Variants in ANO4 observed in about 807,000 individuals in gnomAD.
ANO4 encodes anoctamin-4.
A neutral mutation model predicts 141.9 loss-of-function variants in ANO4; 69 were observed. The observed-to-expected ratio is 0.49, with a 90% CI of 0.40 to 0.59. The LOEUF (loss-of-function observed/expected upper bound fraction) is 0.59, where lower values mean the gene tolerates loss of function less well. Ranked by LOEUF, ANO4 falls within the 20% of genes least tolerant of loss-of-function variation. The pLI is 0.00. For synonymous variants in ANO4, 350 were observed against 394.3 expected, an observed-to-expected ratio of 0.89 and a Z score of 1.33; for missense variants, 894 against 1,162.2, an observed-to-expected ratio of 0.77 and a Z score of 3.36.
chr12:100,932,252 C>T (rs1032719124), intron 3 of ANO4, among the ~76,000 whole-genome samples: 1 of 151,896 alleles, frequency 6.6e-6, no homozygotes, highest in South Asian at 2.1e-4. Flanking sequence ...GGTTATTTTG[C>T]TGCATTTGGA....
At chr12:100,728,438 A>C (rs2031235911) in intron 1 of ANO4, among the ~76,000 whole-genome samples, 3 of 152,158 alleles carry the variant, frequency 2.0e-5, no homozygotes, top group African/African-American at 7.2e-5. Context: ...GAACCTGCCT[A>C]ACCCAACTTG....
chr12:100,904,231 C>A (rs1366308476), intron 2 of ANO4, among the ~76,000 whole-genome samples: 1 of 152,090 alleles, frequency 6.6e-6, no homozygotes, highest in Non-Finnish European at 1.5e-5. Context: ...TGATATACAT[C>A]AGTAAACAAA....
intron 21 of ANO4, among the ~76,000 whole-genome samples, chr12:101,098,275 A>G (rs2050062926): frequency 6.6e-6 from 1 of 152,210 alleles, no homozygotes; most frequent in South Asian, 2.1e-4. Context: ...TATGTATGAC[A>G]CATTAACTAC....
chr12:100,969,075 G>A (rs1364086461), intron 5 of ANO4, among the ~76,000 whole-genome samples: 1 of 152,212 alleles, frequency 6.6e-6, no homozygotes, highest in East Asian at 1.9e-4. Flanking sequence ...GTAACCTGCA[G>A]TGTTCACTCT....
chr12:100,757,210 T>G, intron 3 of ANO4, among the ~76,000 whole-genome samples: 1 of 152,120 alleles, frequency 6.6e-6, no homozygotes, highest in East Asian at 1.9e-4. Context: ...GCCTGTTGAG[T>G]CTATCTCCTT....
chr12:100,747,504 TC>T, intron 3 of ANO4, among the ~76,000 whole-genome samples: 1 of 152,304 alleles, frequency 6.6e-6, no homozygotes. Flanking sequence ...TGAGAACTCT[TC>T]CCTTTGCCTT....
intron 3 of ANO4, among the ~76,000 whole-genome samples, chr12:100,754,639 A>G (rs2032530871): frequency 6.6e-6 from 1 of 152,226 alleles, no homozygotes; most frequent in Non-Finnish European, 1.5e-5. Flanking sequence ...ACTAGTCACA[A>G]TAGCCAAAAG....
At chr12:101,055,083 G>A (rs751609021) in intron 14 of ANO4, among the ~76,000 whole-genome samples, 2 of 152,286 alleles carry the variant, frequency 1.3e-5, no homozygotes, top group East Asian at 1.9e-4. Context: ...GAATATTTGG[G>A]TTCAGTATGG....
Position 100,806,523 on chromosome 12 carries a change from CGTTTTTTTTTTTTTTTTTT to C in ANO4, c.-141+11497_-141+11515del, listed in dbSNP as rs1300033829. Among the ~76,000 whole-genome samples, 19 of 44,978 alleles carry C rather than the reference CGTTTTTTTTTTTTTTTTTT, an allele frequency of 4.2e-4. 1 individual carries two copies. Among genetic ancestry groups the C allele is most frequent in the Middle Eastern group, 0.011 (1 of 90 alleles). The allele number at this position is 44,978 out of a possible 152,430, so 29.5% of individuals were successfully genotyped here. On this transcript the variant is annotated intron_variant, in intron 1 of 27. Coordinates refer to ENST00000392977, the MANE Select transcript of ANO4 (RefSeq NM_001286615.2). ...TTTTTAGGAGGTTTTTTTTTTGTTT[CGTTTTTTTTTTTTTTTTTT>C]TTTTTTTTTTTTTTTTTTGTGAGAC...
intron 1 of ANO4, among the ~76,000 whole-genome samples, chr12:100,882,817 A>G (rs1416245010): frequency 6.6e-6 from 1 of 151,736 alleles, no homozygotes; most frequent in Non-Finnish European, 1.5e-5. Context: ...TCCCTTCCTC[A>G]GCCTCCTGAG....
At chr12:100,738,264 A>T (rs1565846361) in intron 2 of ANO4, among the ~76,000 whole-genome samples, 1 of 152,088 alleles carries the variant, frequency 6.6e-6, no homozygotes. Flanking sequence ...CCAATGTGAC[A>T]TTTCTATTCT....
At chr12:100,772,456 C>G (rs771104162) in intron 3 of ANO4, among the ~76,000 whole-genome samples, 9 of 152,148 alleles carry the variant, frequency 5.9e-5, no homozygotes, top group Non-Finnish European at 1.2e-4. Context: ...TCCTTCAAAA[C>G]CCAACACAGA....
At chr12:100,824,575 G>A (rs1311883611) in intron 1 of ANO4, among the ~76,000 whole-genome samples, 1 of 152,044 alleles carries the variant, frequency 6.6e-6, no homozygotes, top group Non-Finnish European at 1.5e-5. Flanking sequence ...GGTTTAGCGA[G>A]AGTGTTGTAT....
chr12:100,981,117 T>A (rs1276095175), intron 7 of ANO4, among the ~76,000 whole-genome samples: 1 of 152,202 alleles, frequency 6.6e-6, no homozygotes, highest in Admixed American at 6.5e-5. Context: ...ACTTATCAGA[T>A]GAGCATACAG....
intron 14 of ANO4, among the ~76,000 whole-genome samples, chr12:101,056,808 T>A (rs2048137576): frequency 1.3e-5 from 2 of 151,626 alleles, no homozygotes; most frequent in Non-Finnish European, 2.9e-5. Context: ...GTATAGAATT[T>A]TGCCAAAAGC....
intron 5 of ANO4, among the ~76,000 whole-genome samples, chr12:100,962,806 C>T (rs1373782407): frequency 3.9e-5 from 6 of 152,100 alleles, no homozygotes; most frequent in East Asian, 1.9e-4. Context: ...CTAATGCATT[C>T]GGCCCAATCC....
At chr12:100,873,398 A>G (rs567834275) in intron 1 of ANO4, among the ~76,000 whole-genome samples, 3 of 152,330 alleles carry the variant, frequency 2.0e-5, no homozygotes, top group Admixed American at 2.0e-4. Flanking sequence ...AATATGGTCA[A>G]TGAGGTCCAG....
At chr12:100,778,207 C>A (rs983245597) in intron 3 of ANO4, among the ~76,000 whole-genome samples, 1 of 152,186 alleles carries the variant, frequency 6.6e-6, no homozygotes, top group Non-Finnish European at 1.5e-5. Flanking sequence ...GTGTAAGCCA[C>A]TGCACCCGGC....
intron 1 of ANO4, among the ~76,000 whole-genome samples, chr12:100,834,876 G>A (rs751005264): frequency 1.6e-4 from 25 of 152,258 alleles, no homozygotes; most frequent in Non-Finnish European, 3.2e-4. Flanking sequence ...CCAGGCAAAG[G>A]GAATGGCAAG....
Sources: gnomAD v4.1 joint callset for allele counts (sites outside exome capture counted in the v4.1 genomes callset) on GRCh38, gnomAD v4.1.1 for gene constraint, MANE v1.5 for transcripts, NCBI Gene and HGNC (gene_info 2026-07-23, HGNC 2026-07-21) for gene names.